MED25: variants seen among roughly 807,000 people sequenced by gnomAD.
MED25 encodes the protein mediator of RNA polymerase II transcription subunit 25.
A neutral mutation model predicts 89.4 loss-of-function variants in MED25; 62 were observed. The observed-to-expected ratio is 0.69, with a 90% CI of 0.57 to 0.86. The LOEUF (loss-of-function observed/expected upper bound fraction) is 0.86. Among genes scored for constraint, MED25 ranks in the 40% least tolerant of loss-of-function variants. MED25 has a pLI of 0.00. For missense variants in MED25, 905 were observed against 1,005.2 expected, an observed-to-expected ratio of 0.90 and a Z score of 1.35; for synonymous variants, 449 against 427.9, an observed-to-expected ratio of 1.05 and a Z score of -0.61.
In MED25 at chr19:49,834,657, A is replaced by G; in HGVS notation, c.1483-329A>G. On this transcript the variant is annotated intron_variant, in intron 13 of 17. Coordinates refer to ENST00000312865, the MANE Select transcript of MED25 (RefSeq NM_030973.4). The surrounding 1 kb of genome is among the most constrained non-coding windows in gnomAD (Gnocchi z 4.1). The stretch of plus-strand genomic sequence containing the variant: ...GGCCGCTCTCCCGGCCGTGACCCTC[A>G]GCCGCCCTCTGAGGAGGCCGCCGTG... 1 of 411,732 alleles carries G rather than the reference A, an allele frequency of 2.4e-6. No homozygotes were observed. Among genetic ancestry groups the G allele is most frequent in the South Asian group, 2.2e-5 (1 of 45,698 alleles). The allele number at this position is 411,732 out of a possible 1,614,324, so 25.5% of individuals were successfully genotyped here.
chr19:49,835,895 AACCCTGGGGC>A lies in MED25; in HGVS notation c.1916_1925del (p.Asn639ThrfsTer79). On this transcript the variant is annotated frameshift_variant, in exon 16 of 18. Coordinates refer to ENST00000312865, the MANE Select transcript of MED25 (RefSeq NM_030973.4). LOFTEE classifies it high-confidence loss of function. The surrounding 1 kb of genome is among the most constrained non-coding windows in gnomAD (Gnocchi z 6.2). ...TCCTGGACCCATCCTTCGGCCCCAGAACCCTGGGGCCAACCCTCAGCTGCGAAGCCTCCTC... is the reference window on the plus strand; with the variant it reads ...TCCTGGACCCATCCTTCGGCCCCAGACAACCCTCAGCTGCGAAGCCTCCTC... 6.2e-7 allele frequency: 1 copy of A among 1,612,646 alleles called. No individual in the cohort carries two copies. Among genetic ancestry groups the A allele is most frequent in the South Asian group, 1.1e-5 (1 of 91,080 alleles).
Position 49,836,804 on chromosome 19 carries a change from AGGG to A in MED25, c.2147-42_2147-40del. The A allele has an allele frequency of 1.3e-6, 2 of 1,514,718 alleles. No homozygotes were observed. Among genetic ancestry groups the A allele is most frequent in the Middle Eastern group, 3.4e-4 (2 of 5,874 alleles). The allele number at this position is 1,514,718 out of a possible 1,614,324, so 93.8% of individuals were successfully genotyped here. A position where few individuals can be genotyped will look rare whatever the true frequency, so the allele number is the denominator to read the frequency against. On this transcript the variant is annotated intron_variant, in intron 17 of 17. Coordinates refer to ENST00000312865, the MANE Select transcript of MED25 (RefSeq NM_030973.4). This position sits in a 1 kb window ranked among gnomAD's most constrained non-coding sequence, Gnocchi z 5.1. ...GTGCCTCTGGGCCCTCCTGGGCCCA[AGGG>A]CCTACTGGGAGATGCAGTCCCTTCC...
chr19:49,837,027 A>T (rs893769596), downstream of MED25: 2 of 1,120,608 alleles, frequency 1.8e-6, no homozygotes, highest in African/African-American at 1.5e-5. Flanking sequence ...GCAGGAGGAA[A>T]CCCCAGGGGG....
At chr19:49,826,731 A>ATAGGAGGGCACAC (rs1441474403) in intron 3 of MED25, among the ~76,000 whole-genome samples, 1 of 152,116 alleles carries the variant, frequency 6.6e-6, no homozygotes, top group African/African-American at 2.4e-5. Context: ...AAGGCTTCCT[A>ATAGGAGGGCACAC]TAGGAGGGCA....
chr19:49,831,663 A>T lies in MED25; in HGVS notation c.1230+202A>T, dbSNP rs371475636. On this transcript the variant is annotated intron_variant, in intron 10 of 17. Coordinates refer to ENST00000312865, the MANE Select transcript of MED25 (RefSeq NM_030973.4). This position sits in a 1 kb window ranked among gnomAD's most constrained non-coding sequence, Gnocchi z 5.0. ...CGGTACAGAGGAGAGTCCCCATGCA[A>T]AGAACCCAGAAAAGCCCAGGATTTG... 6.6e-6 allele frequency among the ~76,000 whole-genome samples: 1 copy of T among 152,096 alleles called. No homozygotes were observed. The highest frequency in any genetic ancestry group is 1.9e-4 in the East Asian group (1 of 5,182).
In MED25 at chr19:49,829,666, G is replaced by A; in HGVS notation, c.526-120G>A. On this transcript the variant is annotated intron_variant, in intron 5 of 17. Coordinates refer to ENST00000312865, the MANE Select transcript of MED25 (RefSeq NM_030973.4). This position sits in a 1 kb window ranked among gnomAD's most constrained non-coding sequence, Gnocchi z 4.6. ...AGGGTCTCCTGCCTCAAAGCCCAAT[G>A]GGAATTGTGGTTGTAGGGCTGGTGC... 4.6e-6 allele frequency: 5 copies of A among 1,078,628 alleles called. No homozygotes were observed. The South Asian group carries it at 7.5e-5, about 16-fold the overall frequency. 66.8% of individuals were successfully genotyped at this position (1,078,628 alleles called of 1,614,324 possible). A position where few individuals can be genotyped will look rare whatever the true frequency, so the allele number is the denominator to read the frequency against.
At position 49,819,174 on chromosome 19, in the gene MED25, T is replaced by TG. The variant is rs1251504753; in HGVS notation, c.189dup (p.Thr64AspfsTer30). The TG allele has an allele frequency of 2.5e-6, 4 of 1,614,056 alleles. No individual in the cohort carries two copies. The highest frequency in any genetic ancestry group is 1.3e-5 in the African/African-American group (1 of 74,942). On this transcript the variant is annotated frameshift_variant, in exon 3 of 18. Transcript: ENST00000312865. LOFTEE classifies it high-confidence loss of function. The stretch of plus-strand genomic sequence containing the variant: ...AGTTTTCTGTCCTCCCCTCCCAGTA[T>TG]GGGGGGACCCAGTACAGCCTCGTGG...
rs778873937 is a variant in MED25, at chr19:49,832,039, G to A, written c.1316+18G>A. 5 of 1,613,962 alleles carry A rather than the reference G, an allele frequency of 3.1e-6. No homozygotes were observed. The South Asian group carries it at 4.4e-5, about 14-fold the overall frequency. ...GAGAACCTGTAGGTGACAGTCAGGGGCGGGGTGTGGTGGGGCTGGGGCTGG... is the reference window on the plus strand; with the variant it reads ...GAGAACCTGTAGGTGACAGTCAGGGACGGGGTGTGGTGGGGCTGGGGCTGG... On this transcript the variant is annotated intron_variant, in intron 11 of 17. Coordinates refer to ENST00000312865, the MANE Select transcript of MED25 (RefSeq NM_030973.4).
At chr19:49,819,510 C>G in intron 3 of MED25, 1 of 578,154 alleles carries the variant, frequency 1.7e-6, no homozygotes, top group Non-Finnish European at 3.1e-6. Context: ...TGGGTTTGAG[C>G]TGCAGGAAAC....
chr19:49,825,223 TCA>T (rs148541553), intron 3 of MED25, among the ~76,000 whole-genome samples: 48 of 152,194 alleles, frequency 3.2e-4, no homozygotes, highest in African/African-American at 1.1e-3. Flanking sequence ...GGTTAGTTTA[TCA>T]CACTTTTCCT....
In MED25 at chr19:49,829,041, C is replaced by T. The variant is rs904665427; in HGVS notation, c.476C>T (p.Thr159Ile). 3.1e-6 allele frequency: 5 copies of T among 1,613,976 alleles called. No individual in the cohort carries two copies. The highest frequency in any genetic ancestry group is 4.2e-6 in the Non-Finnish European group (5 of 1,180,016). The stretch of plus-strand genomic sequence containing the variant: ...TACTTGTTGCCTGCTGTTGAGAGCA[C>T]CACGTACTCTGGATGCACAACTGAG... ...PPYLLPAVES[T>I]TYSGCTTENL... The change falls in exon 5 of 18, where the codon ACC (threonine) becomes ATC (isoleucine). Residue 159 changes from threonine to isoleucine, a missense_variant. By Grantham distance (89) the Thr-to-Ile change is moderately conservative (BLOSUM62 -1). Coordinates refer to ENST00000312865, the MANE Select transcript of MED25 (RefSeq NM_030973.4). This position sits in a 1 kb window ranked among gnomAD's most constrained non-coding sequence, Gnocchi z 4.6.
chr19:49,831,910 C>T lies in MED25; in HGVS notation c.1231-26C>T. On this transcript the variant is annotated intron_variant, in intron 10 of 17. Coordinates refer to ENST00000312865, the MANE Select transcript of MED25 (RefSeq NM_030973.4). The surrounding 1 kb of genome is among the most constrained non-coding windows in gnomAD (Gnocchi z 5.0). ...GGACTGAGGCTTATGGCCCTTTTTACTGACATGCTCTTTTTTCCCCCTCAG... is the reference window on the plus strand; with the variant it reads ...GGACTGAGGCTTATGGCCCTTTTTATTGACATGCTCTTTTTTCCCCCTCAG... The T allele has an allele frequency of 6.2e-7, 1 of 1,608,180 alleles. No homozygotes were observed. The highest frequency in any genetic ancestry group is 1.1e-5 in the South Asian group (1 of 90,992).
chr19:49,826,079 G>A (rs569076353), intron 3 of MED25, among the ~76,000 whole-genome samples: 11 of 152,250 alleles, frequency 7.2e-5, no homozygotes, highest in Admixed American at 4.6e-4. Flanking sequence ...AGTGGCTCAC[G>A]CCTGTAATCC....
Position 49,836,287 on chromosome 19 carries a change from C to T in MED25, c.2027C>T (p.Pro676Leu). ...SLHHLQPPGAPALLPPPHQGL... is the reference protein window; with the variant it reads ...SLHHLQPPGALALLPPPHQGL... The stretch of plus-strand genomic sequence containing the variant: ...CACCACCTCCAGCCACCAGGGGCTC[C>T]TGCGCTGCTGCCTCCGCCGCACCAG... Residue 676 changes from proline to leucine, a missense_variant, in exon 17 of 18, where the codon CCT becomes CTT. Pro to Leu is a moderately conservative substitution (Grantham distance 98). Around this residue, in one of 3 missense-constraint regions of MED25, gnomAD observed 271 missense variants for 258.1 expected, o/e 1.05. Transcript: ENST00000312865. This position sits in a 1 kb window ranked among gnomAD's most constrained non-coding sequence, Gnocchi z 5.1. 1.2e-6 allele frequency: 2 copies of T among 1,612,136 alleles called. No individual in the cohort carries two copies. Among genetic ancestry groups the T allele is most frequent in the Non-Finnish European group, 1.7e-6 (2 of 1,179,644 alleles).
rs752599816 is a variant in MED25 at position 49,831,399 on chromosome 19, G to A, written c.1168G>A (p.Gly390Ser). The change falls in exon 10 of 18, where the codon GGT (glycine) becomes AGT (serine). Residue 390 changes from glycine (G) to serine (S), a missense_variant. Coordinates refer to ENST00000312865, the MANE Select transcript of MED25 (RefSeq NM_030973.4). This position sits in a 1 kb window ranked among gnomAD's most constrained non-coding sequence, Gnocchi z 5.0. Reference protein sequence around the residue: ...SPAQLGAPALGGQQSVSNKLL... With the variant: ...SPAQLGAPALSGQQSVSNKLL... Reference sequence around the variant, plus strand: ...AGCCCAGCTGGGAGCCCCAGCCCTCGGTGGGCAGCAGTCAGTCTCCAATAA... The same window carrying A: ...AGCCCAGCTGGGAGCCCCAGCCCTCAGTGGGCAGCAGTCAGTCTCCAATAA... 1.2e-5 allele frequency: 19 copies of A among 1,611,016 alleles called. No individual in the cohort carries two copies. Among genetic ancestry groups the A allele is most frequent in the Admixed American group, 1.7e-5 (1 of 59,638 alleles).
chr19:49,822,381 G>A (rs2073989272), intron 3 of MED25, among the ~76,000 whole-genome samples: 1 of 151,840 alleles, frequency 6.6e-6, no homozygotes, highest in Admixed American at 6.6e-5. Context: ...AGGAGGTGGA[G>A]AGATCGCACC....
chr19:49,838,691 T>G (rs1300455817), downstream of MED25: 1 of 456,856 alleles, frequency 2.2e-6, no homozygotes, highest in Non-Finnish European at 4.4e-6. Flanking sequence ...TGCAAACAAA[T>G]CGTGTCTGTG....
chr19:49,819,130 A>G (rs1287081699), intron 2 of MED25, 42 bp from the exon 3 acceptor site: 1 of 1,612,744 alleles, frequency 6.2e-7, no homozygotes, highest in South Asian at 1.1e-5. Context: ...GGAAAAGGGA[A>G]TTGAGGTCCC....
intron 13 of MED25, 51 bp downstream of exon 13, chr19:49,832,466 C>T (rs1272067145): frequency 2.7e-6 from 3 of 1,118,424 alleles, no homozygotes; most frequent in East Asian, 2.5e-5. Flanking sequence ...GTCCTGCTTT[C>T]TGCTGACCTT....
Sources: gnomAD v4.1 joint callset for allele counts (sites outside exome capture counted in the v4.1 genomes callset) on GRCh38, gnomAD v4.1.1 for gene constraint, gnomAD v4.1.1 regional missense constraint, Gnocchi (gnomAD v3.1) non-coding constraint, MANE v1.5 for transcripts, NCBI Gene and HGNC (gene_info 2026-07-23, HGNC 2026-07-21) for gene names.